The following CHD1 variants were observed in gnomAD, a reference collection of about 807,000 sequenced individuals.
CHD1 encodes the protein chromodomain helicase DNA binding protein 1, also known as ATP-dependent chromatin remodeler CHD1.
A neutral mutation model predicts 224.2 loss-of-function variants in CHD1; 36 were observed. The ratio of observed to expected loss-of-function variants is 0.16; its 90% CI spans 0.12 to 0.21. The LOEUF (loss-of-function observed/expected upper bound fraction) is 0.21. CHD1 is among the 10% of genes least tolerant of loss of function. The pLI is 1.00. For synonymous variants in CHD1, 668 were observed against 658.3 expected, an observed-to-expected ratio of 1.01 and a Z score of -0.23; for missense variants, 1,378 against 1,994.8, an observed-to-expected ratio of 0.69 and a Z score of 5.89.
chr5:98,911,139 AAAAAAAAAT>A (rs1752365594), intron 2 of CHD1, among the ~76,000 whole-genome samples: 2 of 114,750 alleles, frequency 1.7e-5, no homozygotes, highest in South Asian at 2.8e-4. Context: ...TGAAAAAAAA[AAAAAAAAAT>A]ATATATATAT....
chr5:98,857,389 A>G (rs1188593580), intron 35 of CHD1, among the ~76,000 whole-genome samples: 1 of 152,076 alleles, frequency 6.6e-6, no homozygotes, highest in Non-Finnish European at 1.5e-5. Flanking sequence ...TATACTATAA[A>G]TCTGCCTTTT....
chr5:98,927,354 C>T (rs1233443017), intron 1 of CHD1, among the ~76,000 whole-genome samples: 1 of 152,010 alleles, frequency 6.6e-6, no homozygotes, highest in Non-Finnish European at 1.5e-5. Flanking sequence ...GAGGAAGAAG[C>T]GGGGGAAGGA....
intron 2 of CHD1, among the ~76,000 whole-genome samples, chr5:98,909,687 T>A (rs1388949132): frequency 6.6e-6 from 1 of 152,120 alleles, no homozygotes; most frequent in African/African-American, 2.4e-5. Context: ...AGAAAAGGGG[T>A]TTTATTTCTT....
chr5:98,915,810 G>A (rs1322662680), intron 2 of CHD1, among the ~76,000 whole-genome samples: 1 of 151,902 alleles, frequency 6.6e-6, no homozygotes, highest in Non-Finnish European at 1.5e-5. Flanking sequence ...GTGTACATGG[G>A]GCTCATTTTA....
Position 98,886,957 on chromosome 5 carries a change from TA to T in CHD1, c.2496+1130del, listed in dbSNP as rs200787862. Among the ~76,000 whole-genome samples the T allele has an allele frequency of 6.6e-4, 101 of 152,138 alleles. No individual in the cohort carries two copies. The East Asian group carries it at 0.017, about 25-fold the overall frequency. On this transcript the variant is annotated intron_variant, in intron 17 of 35. Transcript: ENST00000614616. ...ATTTTTTGTTTGACTATGTACACAA[TA>T]ATTTGTTTAAAAACAAATCAACACA...
intron 18 of CHD1, among the ~76,000 whole-genome samples, chr5:98,884,426 T>C (rs1356782034): frequency 6.6e-6 from 1 of 152,056 alleles, no homozygotes; most frequent in Non-Finnish European, 1.5e-5. Flanking sequence ...CCAAACATTG[T>C]ATGTTCTCAC....
chr5:98,888,315 T>C, intron 16 of CHD1, 75 bp from the exon 17 acceptor site: 1 of 1,005,828 alleles, frequency 9.9e-7, no homozygotes, highest in Non-Finnish European at 1.4e-6. Context: ...TTTAGTTGCC[T>C]GAATTATTTT....
At chr5:98,883,030 C>T in intron 19 of CHD1, 58 bp downstream of exon 19, 1 of 743,666 alleles carries the variant, frequency 1.3e-6, no homozygotes, top group Non-Finnish European at 1.8e-6. Flanking sequence ...AAATCACTTC[C>T]AAAAAAAAAA....
chr5:98,871,781 T>C (rs994748430), intron 28 of CHD1, among the ~76,000 whole-genome samples: 2 of 152,166 alleles, frequency 1.3e-5, no homozygotes, highest in African/African-American at 4.8e-5. Context: ...TTTTTAAAGC[T>C]AATGATGGAA....
At chr5:98,870,956 T>A (rs979221549) in intron 28 of CHD1, among the ~76,000 whole-genome samples, 153 bp from the exon 29 acceptor site, 11 of 152,238 alleles carry the variant, frequency 7.2e-5, no homozygotes, top group Non-Finnish European at 1.5e-4. Flanking sequence ...CAAAATGTAT[T>A]TTTTATACGT....
chr5:98,899,858 TA>T (rs1360133686), intron 7 of CHD1, among the ~76,000 whole-genome samples, 153 bp from the exon 8 acceptor site: 2 of 152,208 alleles, frequency 1.3e-5, no homozygotes, highest in Non-Finnish European at 2.9e-5. Flanking sequence ...CTATTGCTCA[TA>T]AATAAAACTG....
At position 98,902,939 on chromosome 5, in the gene CHD1, T is replaced by A. The variant is rs201752702; in HGVS notation, c.398A>T (p.Asp133Val). ...EEDSSSSEDS[D>V]DSSSEVKRKK... Reference sequence around the variant, plus strand: ...CCTTTTGACCTCACTTGATGAGTCATCGGAATCTTCACTGCTAGAGGAATC... The same window carrying A: ...CCTTTTGACCTCACTTGATGAGTCAACGGAATCTTCACTGCTAGAGGAATC... Residue 133 changes from aspartate (D) to valine (V), a missense_variant, in exon 5 of 36, where the codon GAT becomes GTT. Physicochemically the swap from Asp to Val is radical, Grantham distance 152. This residue lies in a region of CHD1 where 306 missense variants were observed against 298.1 expected (regional missense o/e 1.03). Coordinates refer to ENST00000614616, the MANE Select transcript of CHD1 (RefSeq NM_001270.4). The A allele has an allele frequency of 1.2e-6, 2 of 1,605,526 alleles. No homozygotes were observed. The highest frequency in any genetic ancestry group is 1.1e-5 in the South Asian group (1 of 90,674).
In CHD1 at chr5:98,876,639, C is replaced by T. The variant is rs535456390; in HGVS notation, c.3238-81G>A. 214 of 1,210,428 alleles carry T rather than the reference C, an allele frequency of 1.8e-4. 3 individuals carry two copies. The highest frequency in any genetic ancestry group is 1.7e-3 in the South Asian group (117 of 68,298). 75.0% of individuals were successfully genotyped at this position (1,210,428 alleles called of 1,614,324 possible). A position where few individuals can be genotyped will look rare whatever the true frequency, so the allele number is the denominator to read the frequency against. ...AGCAAAAACCATTATAAAAGATGGTCGGAATCTTAAAAATGTTATTAAATG... is the reference window on the plus strand; with the variant it reads ...AGCAAAAACCATTATAAAAGATGGTTGGAATCTTAAAAATGTTATTAAATG... On this transcript the variant is annotated intron_variant, in intron 23 of 35. Transcript: ENST00000614616.
At chr5:98,881,918 C>G (rs780418942) in intron 20 of CHD1, 57 bp downstream of exon 20, 1 of 1,469,150 alleles carries the variant, frequency 6.8e-7, no homozygotes, top group Non-Finnish European at 9.4e-7. Flanking sequence ...TGTAACATAT[C>G]AAAAATATGA....
rs140859854 is a variant in CHD1 at position 98,879,813 on chromosome 5, T to C, written c.3061-85A>G. The stretch of plus-strand genomic sequence containing the variant: ...TTTTTAAGGGGAAGAACTGGCATGC[T>C]CCTTAGGATAATGAACATGGCTGTG... On this transcript the variant is annotated intron_variant, in intron 22 of 35. Coordinates refer to ENST00000614616, the MANE Select transcript of CHD1 (RefSeq NM_001270.4). The C allele has an allele frequency of 4.5e-4, 350 of 776,804 alleles. No homozygotes were observed. In the East Asian group the frequency reaches 9.3e-3, roughly 21 times the overall value. The allele number at this position is 776,804 out of a possible 1,614,324, so 48.1% of individuals were successfully genotyped here. A position where few individuals can be genotyped will look rare whatever the true frequency, so the allele number is the denominator to read the frequency against.
chr5:98,868,463 T>C, intron 31 of CHD1, 32 bp downstream of exon 31: 3 of 1,570,404 alleles, frequency 1.9e-6, no homozygotes, highest in Non-Finnish European at 2.6e-6. Context: ...TTTTATGAGT[T>C]AATACTAATA....
intron 2 of CHD1, among the ~76,000 whole-genome samples, chr5:98,921,463 G>T (rs957662541): frequency 1.3e-5 from 2 of 152,112 alleles, no homozygotes; most frequent in Non-Finnish European, 2.9e-5. Flanking sequence ...GATTCAGTAC[G>T]TCTGGGGCGA....
At position 98,894,473 on chromosome 5, in the gene CHD1, A is replaced by G. The variant is rs55704716; in HGVS notation, c.1800+124T>C. The G allele has an allele frequency of 9.7e-3, 3,656 of 376,834 alleles. 39 individuals carry two copies. Among genetic ancestry groups the G allele is most frequent in the South Asian group, 0.025 (370 of 14,594 alleles). 23.3% of individuals were successfully genotyped at this position (376,834 alleles called of 1,614,324 possible). ...TCTTAGTTCAAGCACCATTAAAAAA[A>G]TAAGACCACAGGCTATAGCTTGCTG... On this transcript the variant is annotated intron_variant, in intron 13 of 35. Transcript: ENST00000614616.
Position 98,868,462 on chromosome 5 carries a change from T to C in CHD1, c.4248+33A>G, listed in dbSNP as rs772172931. 3 of 1,574,702 alleles carry C rather than the reference T, an allele frequency of 1.9e-6. No homozygotes were observed. The East Asian group carries it at 6.8e-5, about 36-fold the overall frequency. On this transcript the variant is annotated intron_variant, in intron 31 of 35. Transcript: ENST00000614616. ...AACTTCAACTTAAATGTTTTATGAG[T>C]TAATACTAATAATCAGAAAGTCTAA...
Sources: gnomAD v4.1 joint callset for allele counts (sites outside exome capture counted in the v4.1 genomes callset) on GRCh38, gnomAD v4.1.1 for gene constraint, gnomAD v4.1.1 regional missense constraint, MANE v1.5 for transcripts, NCBI Gene and HGNC (gene_info 2026-07-23, HGNC 2026-07-21) for gene names.